The following ITGB1 variants were observed in gnomAD, a reference collection of about 807,000 sequenced individuals.
ITGB1 encodes integrin beta-1.
A neutral mutation model predicts 86.5 loss-of-function variants in ITGB1; 24 were observed. That is an observed-to-expected ratio of 0.28 (90% CI 0.20 to 0.39). The LOEUF is 0.39. Ranked by LOEUF, ITGB1 falls within the 10% of genes least tolerant of loss-of-function variation. The pLI is 1.00. For missense variants in ITGB1, 556 were observed against 946.9 expected, an observed-to-expected ratio of 0.59 and a Z score of 5.42; for synonymous variants, 323 against 316.8, an observed-to-expected ratio of 1.02 and a Z score of -0.21.
At chr10:32,949,191 A>G (rs1019105360) in intron 1 of ITGB1, among the ~76,000 whole-genome samples, 4 of 152,194 alleles carry the variant, frequency 2.6e-5, no homozygotes, top group Admixed American at 6.5e-5. Context: ...AGGTAACTCA[A>G]TGAGGTGAAG....
chr10:32,929,752 A>G (rs562866658), intron 4 of ITGB1, 70 bp downstream of exon 4: 1 of 873,294 alleles, frequency 1.1e-6, no homozygotes, highest in South Asian at 1.4e-5. Context: ...AACTGGTCAG[A>G]GTTTGCATAA....
At chr10:32,910,135 G>A (rs952790469) in intron 14 of ITGB1, 88 bp downstream of exon 14, 4 of 915,386 alleles carry the variant, frequency 4.4e-6, no homozygotes, top group Admixed American at 2.6e-5. Flanking sequence ...TATTCCAGCT[G>A]GAGGCTGTTT....
rs543304591 is a variant in ITGB1 at position 32,901,729 on chromosome 10, C to A, written c.2332-94G>T. The A allele has an allele frequency of 4.2e-5, 32 of 759,220 alleles. No homozygotes were observed. In the South Asian group the frequency reaches 5.5e-4, roughly 13 times the overall value. The allele number at this position is 759,220 out of a possible 1,614,324, so 47.0% of individuals were successfully genotyped here. ...AATCAAGACTAAAAGTTGCAATCAT[C>A]TTAAGAAGTCATTTCTATTTTATTT... On this transcript the variant is annotated intron_variant, in intron 15 of 15. Transcript: ENST00000302278.
At chr10:32,934,594 T>C (rs1182811808) in intron 2 of ITGB1, among the ~76,000 whole-genome samples, 1 of 152,234 alleles carries the variant, frequency 6.6e-6, no homozygotes, top group Non-Finnish European at 1.5e-5. Context: ...TAAAAAACTG[T>C]TGCTCATTTC....
chr10:32,935,822 T>C (rs531557512), intron 1 of ITGB1: 44 of 300,452 alleles, frequency 1.5e-4, no homozygotes, highest in South Asian at 1.1e-3. Flanking sequence ...AAACCGATTA[T>C]ATTTTAACAT....
chr10:32,923,344 T>C (rs992392716), intron 7 of ITGB1, among the ~76,000 whole-genome samples: 4 of 152,172 alleles, frequency 2.6e-5, no homozygotes, highest in African/African-American at 9.6e-5. Flanking sequence ...GAAAGTGGCA[T>C]CTGGGCATCC....
intron 5 of ITGB1, among the ~76,000 whole-genome samples, chr10:32,926,647 A>G (rs1302203904): frequency 1.3e-5 from 2 of 152,176 alleles, no homozygotes; most frequent in Non-Finnish European, 2.9e-5. Flanking sequence ...TGCTGATGCT[A>G]GCGCCATGCT....
chr10:32,955,934 G>A (rs1177588494), intron 1 of ITGB1, among the ~76,000 whole-genome samples: 2 of 152,110 alleles, frequency 1.3e-5, no homozygotes, highest in Non-Finnish European at 2.9e-5. Flanking sequence ...TAAAATTGTA[G>A]GTTTAGGTCT....
At chr10:32,939,747 AGTG>A (rs2095013592) in intron 1 of ITGB1, among the ~76,000 whole-genome samples, 1 of 151,796 alleles carries the variant, frequency 6.6e-6, no homozygotes, top group Non-Finnish European at 1.5e-5. Context: ...TGAGTGAGTG[AGTG>A]AGTGAGTGAG....
intron 11 of ITGB1, among the ~76,000 whole-genome samples, chr10:32,918,074 C>T (rs572946309): frequency 2.0e-5 from 3 of 152,270 alleles, no homozygotes; most frequent in African/African-American, 7.2e-5. Flanking sequence ...AACCATCATT[C>T]TGAGAAAACT....
At chr10:32,904,588 C>T (rs2094891133) in intron 15 of ITGB1, among the ~76,000 whole-genome samples, 1 of 152,162 alleles carries the variant, frequency 6.6e-6, no homozygotes. Flanking sequence ...TTAGCGCCTG[C>T]CCATTATTTC....
intron 11 of ITGB1, among the ~76,000 whole-genome samples, chr10:32,912,906 C>T (rs973425271): frequency 6.6e-6 from 1 of 152,196 alleles, no homozygotes; most frequent in Non-Finnish European, 1.5e-5. Context: ...TGGGAGACAC[C>T]TCCTAGTAGG....
chr10:32,939,728 GTGA>G, intron 1 of ITGB1, among the ~76,000 whole-genome samples: 1 of 37,856 alleles, frequency 2.6e-5, no homozygotes, highest in Non-Finnish European at 5.4e-5. Flanking sequence ...GGGTAAGTGA[GTGA>G]GTGAGTGAGT....
intron 1 of ITGB1, among the ~76,000 whole-genome samples, chr10:32,949,724 T>C (rs2095039020): frequency 6.6e-6 from 1 of 152,196 alleles, no homozygotes; most frequent in Admixed American, 6.5e-5. Flanking sequence ...TGCATAATTG[T>C]TTTAATCTTC....
intron 1 of ITGB1, chr10:32,944,716 G>A: frequency 1.4e-6 from 1 of 690,332 alleles, no homozygotes; most frequent in Non-Finnish European, 2.8e-6. Flanking sequence ...CAGACAAAGT[G>A]ATTAGCCCGA....
At position 32,939,722 on chromosome 10, in the gene ITGB1, A is replaced by AAGTGAGTG. The variant is rs3035177; in HGVS notation, c.1-4172_1-4165dup. ...AGCTGCTCTGGATGGCTGGGTGGGT[A>AAGTGAGTG]AGTGAGTGAGTGAGTGAGTGAGTGA... is the stretch of plus-strand genomic sequence containing the variant. On this transcript the variant is annotated intron_variant, in intron 1 of 15. Coordinates refer to ENST00000302278, the MANE Select transcript of ITGB1 (RefSeq NM_002211.4). Among the ~76,000 whole-genome samples, 101 of 149,878 alleles carry AAGTGAGTG rather than the reference A, an allele frequency of 6.7e-4. 2 individuals carry two copies. The highest frequency in any genetic ancestry group is 2.0e-3 in the African/African-American group (80 of 40,508).
Position 32,901,561 on chromosome 10 carries a change from G to C in ITGB1, c.*9C>G. Reference sequence around the variant, plus strand: ...GCATTCAGTGTTGTGGGATTTGCACGGGCAGTACTCATTTTCCCTCATACT... The same window carrying C: ...GCATTCAGTGTTGTGGGATTTGCACCGGCAGTACTCATTTTCCCTCATACT... On this transcript the variant is annotated 3_prime_UTR_variant, in exon 16 of 16. Transcript: ENST00000302278. 6.5e-7 allele frequency: 1 copy of C among 1,544,234 alleles called. No homozygotes were observed. The highest frequency in any genetic ancestry group is 2.3e-5 in the East Asian group (1 of 44,374).
At chr10:32,924,431 A>T (rs1431169200) in intron 6 of ITGB1, among the ~76,000 whole-genome samples, 1 of 152,228 alleles carries the variant, frequency 6.6e-6, no homozygotes, top group African/African-American at 2.4e-5. Context: ...TGCTTTCGTT[A>T]ATTTATTTAA....
intron 1 of ITGB1, among the ~76,000 whole-genome samples, chr10:32,957,486 T>C (rs1334480739): frequency 6.6e-6 from 1 of 151,964 alleles, no homozygotes; most frequent in African/African-American, 2.4e-5. Context: ...CACGGGGAAG[T>C]GGACTGCACT....
Sources: gnomAD v4.1 joint callset for allele counts (sites outside exome capture counted in the v4.1 genomes callset) on GRCh38, gnomAD v4.1.1 for gene constraint, MANE v1.5 for transcripts, NCBI Gene and HGNC (gene_info 2026-07-23, HGNC 2026-07-21) for gene names.